UGT1A7: variants seen among roughly 807,000 people sequenced by gnomAD.
The protein encoded by UGT1A7 is UDP glucuronosyltransferase family 1 member A7, also known as UDP-glucuronosyltransferase 1A7.
Under a neutral mutation model 45.6 loss-of-function variants are expected in UGT1A7, and 33 were observed. The ratio of observed to expected loss-of-function variants is 0.72; its 90% CI spans 0.55 to 0.97. UGT1A7 has a LOEUF of 0.97. Ranked by LOEUF, UGT1A7 falls within the 50% of genes least tolerant of loss-of-function variation. UGT1A7 has a pLI of 0.00. For missense variants in UGT1A7, 684 were observed against 666.2 expected, an observed-to-expected ratio of 1.03 and a Z score of -0.29; for synonymous variants, 274 against 250.6, an observed-to-expected ratio of 1.09 and a Z score of -0.88.
intron 1 of UGT1A7, chr2:233,719,202 T>G (rs764611570): frequency 6.2e-7 from 1 of 1,614,218 alleles, no homozygotes; most frequent in South Asian, 1.1e-5. Flanking sequence ...TCATAGGTGT[T>G]GTGTGGAGCT....
At chr2:233,729,044 T>G (rs1356759266) in intron 1 of UGT1A7, 1 of 1,607,146 alleles carries the variant, frequency 6.2e-7, no homozygotes, top group East Asian at 2.2e-5. Context: ...AGTGGCTCAG[T>G]GACAAGGTAA....
intron 1 of UGT1A7, among the ~76,000 whole-genome samples, chr2:233,683,688 G>A (rs139130236): frequency 6.1e-4 from 93 of 151,852 alleles, no homozygotes; most frequent in Middle Eastern, 3.4e-3. Flanking sequence ...TTATTCCTCT[G>A]CATTTCATTA....
intron 1 of UGT1A7, chr2:233,719,680 T>C: frequency 1.2e-6 from 2 of 1,614,092 alleles, no homozygotes; most frequent in Non-Finnish European, 1.7e-6. Flanking sequence ...GGGAAGCCAC[T>C]ATCTCAGGTC....
intron 1 of UGT1A7, chr2:233,690,380 C>G (rs188057547): frequency 1.0e-6 from 1 of 988,434 alleles, no homozygotes; most frequent in Admixed American, 2.7e-5. Flanking sequence ...ATAGGGTCCA[C>G]GTTTCCAGAC....
In UGT1A7 at chr2:233,760,233, CAT is replaced by C. The variant is rs3064744; in HGVS notation, c.856-6787_856-6786del. ...ACTTGGTGTATCGATTGGTTTTTGCCATATATATATATATAAGTAGGAGAGGG... is the reference window on the plus strand; with the variant it reads ...ACTTGGTGTATCGATTGGTTTTTGCCATATATATATATAAGTAGGAGAGGG... On this transcript the variant is annotated intron_variant, in intron 1 of 4. Coordinates refer to ENST00000373426, the MANE Select transcript of UGT1A7 (RefSeq NM_019077.3). 6.6e-3 allele frequency: 9,509 copies of C among 1,449,924 alleles called. 210 individuals carry two copies. The African/African-American group carries it at 0.077, about 12-fold the overall frequency. The allele number at this position is 1,449,924 out of a possible 1,614,324, so 89.8% of individuals were successfully genotyped here.
intron 1 of UGT1A7, among the ~76,000 whole-genome samples, chr2:233,725,221 A>G: frequency 1.1e-5 from 1 of 87,460 alleles, no homozygotes; most frequent in African/African-American, 8.3e-5. Context: ...GAGGCAGAGG[A>G]GGCAGAGGCA....
In UGT1A7 at chr2:233,769,857, CAAAAA is replaced by C; in HGVS notation, c.1295+1431_1295+1435del. On this transcript the variant is annotated intron_variant, in intron 4 of 4. Coordinates refer to ENST00000373426, the MANE Select transcript of UGT1A7 (RefSeq NM_019077.3). This position sits in a 1 kb window ranked among gnomAD's most constrained non-coding sequence, Gnocchi z 4.4. ...TGGGCAACAGAGTGAGACCCTGTCT[CAAAAA>C]AAAAAAAAAAAATGAAAAGTCCACA... The C allele has an allele frequency of 3.2e-4, 71 of 223,570 alleles. No homozygotes were observed. Among genetic ancestry groups the C allele is most frequent in the South Asian group, 7.7e-4 (7 of 9,102 alleles). The allele number at this position is 223,570 out of a possible 1,614,324, so 13.8% of individuals were successfully genotyped here.
intron 4 of UGT1A7, among the ~76,000 whole-genome samples, chr2:233,768,740 G>A (rs6431630): frequency 0.18 from 26,721 of 151,438 alleles, 3,378 homozygotes; most frequent in African/African-American, 0.35. Context: ...CCACCACCAC[G>A]CCCGGTTAAT....
intron 1 of UGT1A7, among the ~76,000 whole-genome samples, chr2:233,726,317 A>G (rs1017068137): frequency 1.3e-5 from 2 of 152,230 alleles, no homozygotes; most frequent in African/African-American, 4.8e-5. Context: ...CATTGAGCTC[A>G]GGAGTTTCAG....
At chr2:233,744,266 A>G (rs1300904192) in intron 1 of UGT1A7, among the ~76,000 whole-genome samples, 1 of 151,778 alleles carries the variant, frequency 6.6e-6, no homozygotes, top group Admixed American at 6.5e-5. Flanking sequence ...GTTTTTCTTA[A>G]AGTAGGCTTT....
At chr2:233,732,087 T>G (rs2078235147) in intron 1 of UGT1A7, among the ~76,000 whole-genome samples, 1 of 152,220 alleles carries the variant, frequency 6.6e-6, no homozygotes, top group African/African-American at 2.4e-5. Flanking sequence ...TGTCTTCTTT[T>G]GAGAAGTGTC....
intron 1 of UGT1A7, among the ~76,000 whole-genome samples, chr2:233,726,241 T>TG (rs535893777): frequency 2.0e-4 from 31 of 152,288 alleles, no homozygotes; most frequent in African/African-American, 6.7e-4. Context: ...AACTCCAATA[T>TG]GAAAAGCTGG....
chr2:233,766,884 A>G, intron 1 of UGT1A7, 150 bp from the exon 2 acceptor site: 2 of 1,457,402 alleles, frequency 1.4e-6, no homozygotes, highest in Non-Finnish European at 1.8e-6. Context: ...ATGCTGTAAA[A>G]CTTACATATT....
intron 1 of UGT1A7, chr2:233,743,646 A>C (rs754114212): frequency 1.5e-6 from 2 of 1,367,250 alleles, no homozygotes; most frequent in Admixed American, 3.8e-5. Context: ...CGGAAGCTGA[A>C]GACGTACTCG....
At position 233,693,834 on chromosome 2, in the gene UGT1A7, T is replaced by C. The variant is rs758818897; in HGVS notation, c.855+11042T>C. 6 of 1,614,210 alleles carry C rather than the reference T, an allele frequency of 3.7e-6. No homozygotes were observed. The South Asian group carries it at 5.5e-5, about 15-fold the overall frequency. Reference sequence around the variant, plus strand: ...CCCAACATGGTCTTCATTGGAGGTATCAACTGTAAGAAGAGGAAAGACTTG... The same window carrying C: ...CCCAACATGGTCTTCATTGGAGGTACCAACTGTAAGAAGAGGAAAGACTTG... On this transcript the variant is annotated intron_variant, in intron 1 of 4. Coordinates refer to ENST00000373426, the MANE Select transcript of UGT1A7 (RefSeq NM_019077.3).
At chr2:233,701,299 TC>T (rs1695147734) in intron 1 of UGT1A7, among the ~76,000 whole-genome samples, 1 of 152,164 alleles carries the variant, frequency 6.6e-6, no homozygotes, top group Non-Finnish European at 1.5e-5. Context: ...CGCCACACTG[TC>T]TTCCACAATG....
In UGT1A7 at chr2:233,722,021, C is replaced by T. The variant is rs991627062; in HGVS notation, c.855+39229C>T. On this transcript the variant is annotated intron_variant, in intron 1 of 4. Coordinates refer to ENST00000373426, the MANE Select transcript of UGT1A7 (RefSeq NM_019077.3). ...TTTAAGTGAACAGGAAAACTGAAAC[C>T]TCTTGAATTGCATGATTTTGTGGTG... 3.6e-5 allele frequency: 9 copies of T among 248,092 alleles called. No homozygotes were observed. In the Admixed American group the frequency reaches 3.8e-4, roughly 10 times the overall value. 15.4% of individuals were successfully genotyped at this position (248,092 alleles called of 1,614,324 possible).
chr2:233,739,804 C>T (rs901133058), intron 1 of UGT1A7, among the ~76,000 whole-genome samples: 1 of 152,002 alleles, frequency 6.6e-6, no homozygotes, highest in Non-Finnish European at 1.5e-5. Flanking sequence ...GTTGGGAAGG[C>T]ATGATTGGTT....
intron 1 of UGT1A7, chr2:233,719,580 G>T (rs369777528): frequency 6.2e-7 from 1 of 1,613,916 alleles, no homozygotes; most frequent in South Asian, 1.1e-5. Flanking sequence ...CTATGCATCC[G>T]TGTGGCTGTT....
Sources: gnomAD v4.1 joint callset for allele counts (sites outside exome capture counted in the v4.1 genomes callset) on GRCh38, gnomAD v4.1.1 for gene constraint, Gnocchi (gnomAD v3.1) non-coding constraint, MANE v1.5 for transcripts, NCBI Gene and HGNC (gene_info 2026-07-23, HGNC 2026-07-21) for gene names.